Variants in NBEA observed in about 807,000 individuals in gnomAD.
NBEA encodes the protein neurobeachin.
Under a neutral mutation model 343.4 loss-of-function variants are expected in NBEA, and 44 were observed. The observed-to-expected ratio is 0.13, with a 90% CI of 0.10 to 0.16. The LOEUF is 0.16. Ranked by LOEUF, NBEA falls within the 10% of genes least tolerant of loss-of-function variation. The pLI is 1.00. For missense variants in NBEA, 2,555 were observed against 3,631.3 expected (o/e 0.70, Z 7.62); for synonymous variants, 1,175 against 1,238.7 (o/e 0.95, Z 1.08).
intron 38 of NBEA, among the ~76,000 whole-genome samples, chr13:35,403,463 T>G (rs1594499683): frequency 6.6e-6 from 1 of 152,182 alleles, no homozygotes; most frequent in South Asian, 2.1e-4. Flanking sequence ...TGTCTACAAC[T>G]ATCTGATCTT....
chr13:35,484,145 T>C (rs1030393809), intron 41 of NBEA, among the ~76,000 whole-genome samples: 3 of 151,958 alleles, frequency 2.0e-5, no homozygotes, highest in African/African-American at 7.2e-5. Context: ...ACTTTGAATG[T>C]CATAAGCTTT....
At position 35,159,566 on chromosome 13, in the gene NBEA, T is replaced by C. The variant is rs760040195; in HGVS notation, c.3395T>C (p.Leu1132Ser). ...EEKDNGPLIT[L>S]ADEKEDLPNS... Reference sequence around the variant, plus strand: ...AAGGATAATGGTCCATTGATAACATTAGCAGATGAGAAAGAAGACCTTCCC... The same window carrying C: ...AAGGATAATGGTCCATTGATAACATCAGCAGATGAGAAAGAAGACCTTCCC... Residue 1132 changes from leucine (L) to serine (S), a missense_variant, in exon 22 of 59, where the codon TTA becomes TCA. This residue lies in a region of NBEA where 367 missense variants were observed against 377.5 expected (regional missense o/e 0.97). Coordinates refer to ENST00000379939, the MANE Select transcript of NBEA (RefSeq NM_001385012.1). The C allele has an allele frequency of 6.2e-7, 1 of 1,612,574 alleles. No homozygotes were observed. The highest frequency in any genetic ancestry group is 2.2e-5 in the East Asian group (1 of 44,764).
rs73487651 is a variant in NBEA at position 35,014,466 on chromosome 13, G to C, written c.295-26467G>C. ...CTACTTTGGCATCATAGAACCAGAA[G>C]GCCTTAGAGGTCATATAATTTTGAT... On this transcript the variant is annotated intron_variant, in intron 1 of 58. Transcript: ENST00000379939. Among the ~76,000 whole-genome samples the C allele has an allele frequency of 6.4e-3, 969 of 152,220 alleles. 11 individuals are homozygous for C. The highest frequency in any genetic ancestry group is 0.022 in the African/African-American group (928 of 41,540).
At chr13:35,161,163 C>G (rs1236788769) in intron 22 of NBEA, among the ~76,000 whole-genome samples, 1 of 152,034 alleles carries the variant, frequency 6.6e-6, no homozygotes, top group East Asian at 1.9e-4. Flanking sequence ...AGGAAAACAT[C>G]GTGCGTTGTT....
intron 41 of NBEA, among the ~76,000 whole-genome samples, chr13:35,488,745 A>G (rs979988403): frequency 6.6e-6 from 1 of 151,880 alleles, no homozygotes; most frequent in Non-Finnish European, 1.5e-5. Flanking sequence ...AATTAAACCA[A>G]AGTAGTCACA....
At chr13:35,231,773 A>G in intron 33 of NBEA, among the ~76,000 whole-genome samples, 1 of 152,134 alleles carries the variant, frequency 6.6e-6, no homozygotes, top group East Asian at 1.9e-4. Flanking sequence ...CCAGGATTCT[A>G]GTCTAAGCAG....
chr13:35,595,411 G>A (rs2081743888), intron 47 of NBEA, among the ~76,000 whole-genome samples: 2 of 151,856 alleles, frequency 1.3e-5, no homozygotes, highest in African/African-American at 4.8e-5. Flanking sequence ...TACACAGATT[G>A]CTCTCATTTT....
intron 41 of NBEA, among the ~76,000 whole-genome samples, chr13:35,502,834 C>T (rs922850353): frequency 6.6e-6 from 1 of 152,104 alleles, no homozygotes; most frequent in African/African-American, 2.4e-5. Context: ...CATAACACAG[C>T]TTCCCTCCAT....
chr13:35,048,309 C>T (rs2062937091), intron 4 of NBEA, among the ~76,000 whole-genome samples: 2 of 151,898 alleles, frequency 1.3e-5, no homozygotes, highest in South Asian at 2.1e-4. Flanking sequence ...TAGTCTGAAA[C>T]CCGCTATGTA....
Position 35,422,008 on chromosome 13 carries a change from T to C in NBEA, c.6180-10261T>C, listed in dbSNP as rs149444216. On this transcript the variant is annotated intron_variant, in intron 38 of 58. Coordinates refer to ENST00000379939, the MANE Select transcript of NBEA (RefSeq NM_001385012.1). ...CATGGACTTCCATGGATTTATCATG[T>C]TTAGAGTTCAGTAAGCTACTTAAAT... Among the ~76,000 whole-genome samples, 387 of 152,174 alleles carry C rather than the reference T, an allele frequency of 2.5e-3. 1 individual carries two copies. The highest frequency in any genetic ancestry group is 9.1e-3 in the African/African-American group (378 of 41,548).
At chr13:35,097,897 ATTTAAAATTCTC>A (rs956526703) in intron 10 of NBEA, among the ~76,000 whole-genome samples, 2 of 152,054 alleles carry the variant, frequency 1.3e-5, no homozygotes, top group African/African-American at 4.8e-5. Flanking sequence ...TTGCATCTAT[ATTTAAAATTCTC>A]TACAATAGCT....
intron 1 of NBEA, among the ~76,000 whole-genome samples, chr13:34,983,293 G>C (rs534703393): frequency 6.6e-6 from 1 of 152,042 alleles, no homozygotes; most frequent in Non-Finnish European, 1.5e-5. Flanking sequence ...CTGTCCTTGC[G>C]ATAGTTTGCT....
rs1594937025 is a variant in NBEA at position 35,546,238 on chromosome 13, T to G, written c.6586-4239T>G. 1.3e-5 allele frequency among the ~76,000 whole-genome samples: 2 copies of G among 152,236 alleles called. 1 individual carries two copies. Among genetic ancestry groups the G allele is most frequent in the South Asian group, 4.1e-4 (2 of 4,820 alleles). On this transcript the variant is annotated intron_variant, in intron 41 of 58. Coordinates refer to ENST00000379939, the MANE Select transcript of NBEA (RefSeq NM_001385012.1). ...AACAGTGATAAGATAGGCTGTGTGT[T>G]GGGATCACTTGAGGTCAGGCATTCA...
intron 17 of NBEA, among the ~76,000 whole-genome samples, chr13:35,131,691 T>G (rs1219780950): frequency 6.6e-6 from 1 of 152,204 alleles, no homozygotes; most frequent in Non-Finnish European, 1.5e-5. Flanking sequence ...ATTTTGGCAT[T>G]TATGAAACAC....
At chr13:35,100,120 T>A (rs563261202) in intron 11 of NBEA, among the ~76,000 whole-genome samples, 1 of 152,242 alleles carries the variant, frequency 6.6e-6, no homozygotes, top group African/African-American at 2.4e-5. Flanking sequence ...ATTTGAAATA[T>A]TATCAATTGA....
At chr13:35,026,992 C>A (rs2062039701) in intron 1 of NBEA, among the ~76,000 whole-genome samples, 1 of 151,972 alleles carries the variant, frequency 6.6e-6, no homozygotes, top group African/African-American at 2.4e-5. Flanking sequence ...TAAATAGAAT[C>A]GTATTTTATG....
At chr13:35,264,195 C>T (rs2033464793) in intron 34 of NBEA, among the ~76,000 whole-genome samples, 1 of 151,388 alleles carries the variant, frequency 6.6e-6, no homozygotes, top group Admixed American at 6.6e-5. Flanking sequence ...ATACAATCTA[C>T]CAAGATTGAA....
intron 44 of NBEA, among the ~76,000 whole-genome samples, chr13:35,557,894 A>C (rs1230315182): frequency 6.6e-6 from 1 of 152,168 alleles, no homozygotes; most frequent in Non-Finnish European, 1.5e-5. Flanking sequence ...TGGTGTATTC[A>C]GTGGACAGAA....
intron 47 of NBEA, among the ~76,000 whole-genome samples, chr13:35,595,289 G>A (rs547005606): frequency 4.3e-4 from 66 of 152,028 alleles, no homozygotes; most frequent in African/African-American, 1.3e-3. Context: ...ACTAACTTGG[G>A]AGTTTTTTTG....
Sources: gnomAD v4.1 joint callset for allele counts (sites outside exome capture counted in the v4.1 genomes callset) on GRCh38, gnomAD v4.1.1 for gene constraint, gnomAD v4.1.1 regional missense constraint, MANE v1.5 for transcripts, NCBI Gene and HGNC (gene_info 2026-07-23, HGNC 2026-07-21) for gene names.